Variants in CDK13 observed in about 807,000 individuals in gnomAD.
The protein encoded by CDK13 is cyclin-dependent kinase 13.
In CDK13, 40 loss-of-function variants were observed where a neutral mutation model predicts 137.6. That is an observed-to-expected ratio of 0.29 (90% CI 0.23 to 0.38). The LOEUF (loss-of-function observed/expected upper bound fraction) is 0.38. CDK13 is among the 10% of genes least tolerant of loss of function. The pLI is 1.00. For synonymous variants in CDK13, 869 were observed against 760.1 expected, an observed-to-expected ratio of 1.14 and a Z score of -2.36; for missense variants, 1,704 against 1,951.8, an observed-to-expected ratio of 0.87 and a Z score of 2.39.
At chr7:39,998,319 A>G (rs1016851657) in intron 3 of CDK13, 8 of 151,382 alleles carry the variant, frequency 5.3e-5, no homozygotes, top group African/African-American at 2.0e-4. Context: ...GTCATTTTCT[A>G]AACTGGCCGG....
In CDK13 at chr7:39,969,009, G is replaced by T. The variant is rs17537739; in HGVS notation, c.1211+17157G>T. ...AACCTTAGTTCAGGTGGGTTTTTTT[G>T]TTTGTTTGTTTGTTTGTTTGTTTTG... On this transcript the variant is annotated intron_variant, in intron 1 of 13. Coordinates refer to ENST00000181839, the MANE Select transcript of CDK13 (RefSeq NM_003718.5). 2.7e-3 allele frequency among the ~76,000 whole-genome samples: 405 copies of T among 151,082 alleles called. 3 individuals carry two copies. The highest frequency in any genetic ancestry group is 0.011 in the East Asian group (59 of 5,170).
chr7:40,027,713 A>C (rs925663374), intron 5 of CDK13, among the ~76,000 whole-genome samples: 2 of 115,974 alleles, frequency 1.7e-5, no homozygotes, highest in Non-Finnish European at 3.2e-5. Context: ...CAGTCTGTGT[A>C]GCTGTGAAGC....
chr7:39,972,598 C>G (rs892038503), intron 1 of CDK13, among the ~76,000 whole-genome samples: 1 of 152,150 alleles, frequency 6.6e-6, no homozygotes, highest in African/African-American at 2.4e-5. Context: ...TGGCTGGATT[C>G]TTTCACTAAA....
chr7:39,969,488 G>A (rs192815859), intron 1 of CDK13, among the ~76,000 whole-genome samples: 66 of 152,304 alleles, frequency 4.3e-4, no homozygotes, highest in Non-Finnish European at 8.2e-4. Context: ...CTGAACATTT[G>A]AGTACAGGTC....
At chr7:39,999,061 T>C (rs184457346) in intron 3 of CDK13, 29 of 193,966 alleles carry the variant, frequency 1.5e-4, no homozygotes, top group Admixed American at 5.4e-4. Flanking sequence ...GGTTTCATCT[T>C]CTCACTGAAA....
intron 7 of CDK13, among the ~76,000 whole-genome samples, chr7:40,049,581 A>AT (rs1042790505): frequency 1.3e-5 from 2 of 151,830 alleles, no homozygotes; most frequent in African/African-American, 2.4e-5. Context: ...ATTACCCCAC[A>AT]TTTTTTTTGT....
At chr7:40,089,486 CTT>C (rs1786867972) in intron 12 of CDK13, among the ~76,000 whole-genome samples, 1 of 150,170 alleles carries the variant, frequency 6.7e-6, no homozygotes, top group Non-Finnish European at 1.5e-5. Flanking sequence ...TTTAGGGAAA[CTT>C]AAATTTCTTC....
intron 5 of CDK13, among the ~76,000 whole-genome samples, chr7:40,020,639 A>ATG (rs1255569808): frequency 3.9e-5 from 6 of 152,248 alleles, no homozygotes; most frequent in Non-Finnish European, 8.8e-5. Flanking sequence ...ACTACATTAA[A>ATG]TGATGGCAGT....
intron 5 of CDK13, among the ~76,000 whole-genome samples, chr7:40,019,042 A>C (rs1383009747): frequency 6.6e-6 from 1 of 152,226 alleles, no homozygotes; most frequent in Non-Finnish European, 1.5e-5. Flanking sequence ...AGAGAATGCT[A>C]TGTGGTTATA....
chr7:39,995,204 A>C (rs1784535884), intron 2 of CDK13, among the ~76,000 whole-genome samples: 1 of 152,130 alleles, frequency 6.6e-6, no homozygotes, highest in East Asian at 1.9e-4. Flanking sequence ...TAAATTATGT[A>C]ACATTGTTCT....
At chr7:40,055,595 G>A (rs1270843314) in intron 7 of CDK13, among the ~76,000 whole-genome samples, 1 of 132,288 alleles carries the variant, frequency 7.6e-6, no homozygotes, top group Non-Finnish European at 1.6e-5. Context: ...TTTTTTTTGA[G>A]ACAGAGTCTT....
Position 40,088,865 on chromosome 7 carries a change from A to T in CDK13, c.3235+534A>T, listed in dbSNP as rs1046578852. On this transcript the variant is annotated intron_variant, in intron 12 of 13. Coordinates refer to ENST00000181839, the MANE Select transcript of CDK13 (RefSeq NM_003718.5). ...GAGACTGAGGCGGATGGATCACCTG[A>T]GATCAGGAGTTCGAGACTAGCCTGG... 2.0e-5 allele frequency among the ~76,000 whole-genome samples: 3 copies of T among 152,082 alleles called. No homozygotes were observed. In the East Asian group the frequency reaches 5.8e-4, roughly 29 times the overall value.
Position 40,054,720 on chromosome 7 carries a change from G to A in CDK13, c.2600+6843G>A, listed in dbSNP as rs916793801. On this transcript the variant is annotated intron_variant, in intron 7 of 13. Transcript: ENST00000181839. ...TGCTGGGATTACAGGGGTCAGCCAC[G>A]GCACCTGGCCTGACTTTAAATTTTA... is the stretch of plus-strand genomic sequence containing the variant. Among the ~76,000 whole-genome samples, 3 of 151,786 alleles carry A rather than the reference G, an allele frequency of 2.0e-5. No homozygotes were observed. The East Asian group carries it at 5.8e-4, about 29-fold the overall frequency.
rs750416070 is a variant in CDK13, at chr7:39,988,046, T to A, written c.1659T>A (p.Ile553=). The part of the protein sequence containing the change: ...LQVTKVENNL[I]VDKATKKAVI... ...TAACGAAGGTGGAAAATAATTTGAT[T>A]GTAGATAAAGCCACCAAGAAAGCAG... Residue 553 remains isoleucine (I), a synonymous_variant, in exon 2 of 14, where the codon ATT becomes ATA. Coordinates refer to ENST00000181839, the MANE Select transcript of CDK13 (RefSeq NM_003718.5). 1 of 1,613,964 alleles carries A rather than the reference T, an allele frequency of 6.2e-7. No individual in the cohort carries two copies. Among genetic ancestry groups the A allele is most frequent in the East Asian group, 2.2e-5 (1 of 44,882 alleles).
chr7:40,040,600 A>G, intron 5 of CDK13, among the ~76,000 whole-genome samples: 1 of 152,216 alleles, frequency 6.6e-6, no homozygotes, highest in East Asian at 1.9e-4. Flanking sequence ...GGGATAATTA[A>G]CATCTTTATC....
chr7:39,957,744 C>T (rs557683283), intron 1 of CDK13, among the ~76,000 whole-genome samples: 264 of 152,080 alleles, frequency 1.7e-3, no homozygotes, highest in African/African-American at 5.1e-3. Context: ...ATTCTTGGTG[C>T]GTTTGAATTA....
chr7:39,968,921 A>T (rs917543331), intron 1 of CDK13, among the ~76,000 whole-genome samples: 1 of 151,908 alleles, frequency 6.6e-6, no homozygotes, highest in African/African-American at 2.4e-5. Flanking sequence ...ACTGTTTACT[A>T]TTTTCTTATA....
rs1263539595 is a variant in CDK13 at position 40,092,946 on chromosome 7, G to T, written c.3397G>T (p.Ala1133Ser). ...QQQLNKINLP[A>S]GILATGEKQT... ...GCAGCTAAATAAAATAAACCTTCCT[G>T]CTGGAATTTTGGCAACAGGTGAAAA... Residue 1133 changes from alanine to serine, a missense_variant, in exon 13 of 14, where the codon GCT (alanine) becomes TCT (serine). By Grantham distance (99) the Ala-to-Ser change is moderately conservative (BLOSUM62 1). This residue lies in a region of CDK13 where 475 missense variants were observed against 579.3 expected (regional missense o/e 0.82). Coordinates refer to ENST00000181839, the MANE Select transcript of CDK13 (RefSeq NM_003718.5). 26 of 1,614,144 alleles carry T rather than the reference G, an allele frequency of 1.6e-5. No individual in the cohort carries two copies. Among genetic ancestry groups the T allele is most frequent in the Non-Finnish European group, 2.1e-5 (25 of 1,180,018 alleles).
At chr7:40,011,605 C>T (rs1318480710) in intron 5 of CDK13, among the ~76,000 whole-genome samples, 2 of 152,208 alleles carry the variant, frequency 1.3e-5, no homozygotes, top group East Asian at 3.9e-4. Context: ...TTAAGTTGGA[C>T]CCCTTCATAC....
Sources: allele counts gnomAD v4.1 joint callset (sites outside exome capture counted in the v4.1 genomes callset), GRCh38; gene constraint gnomAD v4.1.1; regional missense constraint gnomAD v4.1.1; transcripts MANE v1.5; gene names NCBI Gene and HGNC (gene_info 2026-07-23, HGNC 2026-07-21).